Variants in XPNPEP2 observed in about 807,000 individuals in gnomAD.
XPNPEP2 encodes xaa-Pro aminopeptidase 2.
Under a neutral mutation model 59.8 loss-of-function variants are expected in XPNPEP2, and 64 were observed. The observed-to-expected ratio is 1.07, with a 90% confidence interval of 0.87 to 1.32. The LOEUF is 1.32. Among genes scored for constraint, XPNPEP2 ranks in the 40% most tolerant of loss-of-function variants. XPNPEP2 has a pLI of 0.00. For synonymous variants in XPNPEP2, 235 were observed against 210.0 expected (o/e 1.12, Z -1.03); for missense variants, 575 against 546.8 (o/e 1.05, Z -0.51).
chrX:129,746,638 T>C lies in XPNPEP2; in HGVS notation c.447T>C (p.Pro149=), dbSNP rs3747343. Residue 149 remains proline (P), a synonymous_variant, in exon 6 of 21, where the codon CCT becomes CCC. Transcript: ENST00000371106. The part of the protein sequence containing the change: ...PIVTWLLTEI[P]AGGRVGFDPF... ...TCACCTGGCTCCTCACCGAGATTCC[T>C]GCTGGAGGGCGTGTGGGTTTTGACC... 396,660 of 1,205,591 alleles carry C rather than the reference T, an allele frequency of 0.33. 52,644 individuals are homozygous for C. Among genetic ancestry groups the C allele is most frequent in the African/African-American group, 0.8 (44,495 of 55,447 alleles).
At chrX:129,761,348 C>A in intron 17 of XPNPEP2, 72 bp downstream of exon 17, 1 of 944,970 alleles carries the variant, frequency 1.1e-6, no homozygotes, top group Non-Finnish European at 1.5e-6. Context: ...GAGAATTTCA[C>A]AGGTATGGAA....
intron 19 of XPNPEP2, among the ~76,000 whole-genome samples, chrX:129,766,542 T>TAGAA (rs1365781736): frequency 9.1e-6 from 1 of 109,688 alleles, no homozygotes; most frequent in African/African-American, 3.3e-5. Flanking sequence ...AGGGTCTCAC[T>TAGAA]CTGTTGCTGA....
intron 16 of XPNPEP2, 64 bp from the exon 17 acceptor site, chrX:129,761,108 A>G (rs1023950258): frequency 9.1e-7 from 1 of 1,102,949 alleles, no homozygotes; most frequent in African/African-American, 1.8e-5. Context: ...TGAAGCAAGA[A>G]GGGGCAAGGT....
intron 14 of XPNPEP2, among the ~76,000 whole-genome samples, chrX:129,758,328 C>T (rs187231465): frequency 9.0e-6 from 1 of 111,255 alleles, no homozygotes. Flanking sequence ...GGGGTGTGCT[C>T]AGAGTAGGGT....
chrX:129,747,205 G>C (rs978394159), intron 6 of XPNPEP2, among the ~76,000 whole-genome samples: 1 of 112,814 alleles, frequency 8.9e-6, no homozygotes, highest in African/African-American at 3.2e-5. Flanking sequence ...GTACTGAAAG[G>C]CTTGTGCTTT....
rs1926400815 is a variant in XPNPEP2 at position 129,751,546 on chromosome X, GAAAGA to G, written c.740-196_740-192del. ...AAAAAGAAAGAAAGGAAGAAAGAAAGAAAGAAAGAAAGAAAGAAAGAAAGAAAGAA... is the reference window on the plus strand; with the variant it reads ...AAAAAGAAAGAAAGGAAGAAAGAAAGAAGAAAGAAAGAAAGAAAGAAAGAA... On this transcript the variant is annotated intron_variant, in intron 8 of 20. Transcript: ENST00000371106. 3.3e-4 allele frequency among the ~76,000 whole-genome samples: 12 copies of G among 36,383 alleles called. No individual in the cohort carries two copies. In the Admixed American group the frequency reaches 3.7e-3, roughly 11 times the overall value. The allele number at this position is 36,383 out of a possible 115,157, so 31.6% of individuals were successfully genotyped here. A position where few individuals can be genotyped will look rare whatever the true frequency, so the allele number is the denominator to read the frequency against.
At chrX:129,761,819 C>T (rs779586871) in intron 17 of XPNPEP2, among the ~76,000 whole-genome samples, 187 bp from the exon 18 acceptor site, 21 of 111,661 alleles carry the variant, frequency 1.9e-4, no homozygotes, top group African/African-American at 6.5e-4. Flanking sequence ...CCTCTCAATA[C>T]CTAAATAAAT....
intron 20 of XPNPEP2, 105 bp from the exon 21 acceptor site, chrX:129,768,186 C>A: frequency 1.2e-6 from 1 of 823,564 alleles, no homozygotes; most frequent in Non-Finnish European, 1.7e-6. Flanking sequence ...GCCATCTGGA[C>A]TATGGTGACA....
intron 12 of XPNPEP2, among the ~76,000 whole-genome samples, chrX:129,754,957 C>CCAGG (rs1476133559): frequency 9.0e-6 from 1 of 111,639 alleles, no homozygotes; most frequent in Non-Finnish European, 1.9e-5. Context: ...CATGCTTGGC[C>CCAGG]CAGGTCAGGG....
At chrX:129,740,523 G>T (rs2283773) in intron 1 of XPNPEP2, among the ~76,000 whole-genome samples, 3 of 109,750 alleles carry the variant, frequency 2.7e-5, no homozygotes, top group Admixed American at 9.6e-5. Flanking sequence ...GTTCCTCAGG[G>T]GGGGCTGAGG....
At chrX:129,759,269 C>A in intron 15 of XPNPEP2, 29 bp downstream of exon 15, 1 of 1,207,262 alleles carries the variant, frequency 8.3e-7, no homozygotes, top group Non-Finnish European at 1.1e-6. Flanking sequence ...TTCCCCTCAC[C>A]ACCTTCCCCC....
At chrX:129,763,935 G>T (rs962074874) in intron 19 of XPNPEP2, among the ~76,000 whole-genome samples, 10 of 110,177 alleles carry the variant, frequency 9.1e-5, no homozygotes, top group Non-Finnish European at 1.9e-4. Context: ...GGATTAAACT[G>T]AATAACCTCC....
chrX:129,761,273 G>A lies in XPNPEP2; in HGVS notation c.1600G>A (p.Glu534Lys). The change falls in exon 17 of 21, where the codon GAG (glutamate) becomes AAG (lysine). Residue 534 changes from glutamate (E) to lysine (K), a missense_variant. By Grantham distance (56) the Glu-to-Lys change is moderately conservative. Coordinates refer to ENST00000371106, the MANE Select transcript of XPNPEP2 (RefSeq NM_003399.6). The stretch of plus-strand genomic sequence containing the variant: ...CATTGGCAACTTCCTGTGTGTGCAT[G>A]AGTGTAGGTGTCTCCTCAGCACTCC... ...HGIGNFLCVH[E>K]WPVGFQSNNI... The A allele has an allele frequency of 8.3e-7, 1 of 1,205,012 alleles. No individual in the cohort carries two copies.
intron 14 of XPNPEP2, among the ~76,000 whole-genome samples, chrX:129,757,860 AGG>A (rs1569477224): frequency 2.3e-4 from 17 of 72,913 alleles, no homozygotes; most frequent in African/African-American, 1.1e-3. Flanking sequence ...AGAAAGAAAG[AGG>A]GAGAGAGAGA....
intron 14 of XPNPEP2, among the ~76,000 whole-genome samples, chrX:129,758,599 G>A (rs1410714825): frequency 1.8e-5 from 2 of 111,652 alleles, no homozygotes; most frequent in Admixed American, 9.5e-5. Context: ...AGGACTGTGT[G>A]GAGAGGCAGT....
At chrX:129,765,060 G>A (rs193274219) in intron 19 of XPNPEP2, among the ~76,000 whole-genome samples, 12 of 112,371 alleles carry the variant, frequency 1.1e-4, no homozygotes, top group Admixed American at 2.8e-4. Context: ...CACACACAGC[G>A]TATGTATCTA....
chrX:129,744,148 C>T lies in XPNPEP2; in HGVS notation c.234+77C>T. ...ACCACAAACAGGAGCTGTTAAAACT[C>T]AGAAGATGAAGACAGAGAAAGGATC... is the stretch of plus-strand genomic sequence containing the variant. On this transcript the variant is annotated intron_variant, in intron 3 of 20. Coordinates refer to ENST00000371106, the MANE Select transcript of XPNPEP2 (RefSeq NM_003399.6). 3.2e-6 allele frequency: 3 copies of T among 928,730 alleles called. No individual in the cohort carries two copies. The South Asian group carries it at 6.2e-5, about 19-fold the overall frequency. The allele number at this position is 928,730 out of a possible 1,213,427, so 76.5% of individuals were successfully genotyped here. A position where few individuals can be genotyped will look rare whatever the true frequency, so the allele number is the denominator to read the frequency against.
chrX:129,757,893 GA>G (rs1352252566), intron 14 of XPNPEP2, among the ~76,000 whole-genome samples: 1 of 51,781 alleles, frequency 1.9e-5, no homozygotes, highest in Admixed American at 2.3e-4. Context: ...GAGAGAGAGA[GA>G]GAAAGAAAGA....
chrX:129,753,310 G>C, intron 11 of XPNPEP2, 62 bp downstream of exon 11: 6 of 1,059,465 alleles, frequency 5.7e-6, no homozygotes, highest in Non-Finnish European at 7.9e-6. Flanking sequence ...AGTTAGAAAG[G>C]AAAGGCCTCC....
Sources: allele counts gnomAD v4.1 joint callset (sites outside exome capture counted in the v4.1 genomes callset), GRCh38; gene constraint gnomAD v4.1.1; transcripts MANE v1.5; gene names NCBI Gene and HGNC (gene_info 2026-07-23, HGNC 2026-07-21).